EEFSEC: variants seen among roughly 807,000 people sequenced by gnomAD.
EEFSEC encodes the protein eukaryotic elongation factor, selenocysteine-tRNA specific, also known as selenocysteine-specific elongation factor.
In EEFSEC, 43 loss-of-function variants were observed where a neutral mutation model predicts 42.1. The ratio of observed to expected loss-of-function variants is 1.02; its 90% CI spans 0.80 to 1.32. The LOEUF is 1.32. EEFSEC is among the 40% of genes most tolerant of loss of function. The probability of loss-of-function intolerance (pLI) is 0.00; values close to 1 mark genes in which losing one functional copy is unlikely to be tolerated. For synonymous variants in EEFSEC, 354 were observed against 339.1 expected (o/e 1.04, Z -0.48); for missense variants, 745 against 803.6 (o/e 0.93, Z 0.88).
chr3:128,255,126 G>A (rs1256390151), intron 2 of EEFSEC, among the ~76,000 whole-genome samples: 1 of 152,166 alleles, frequency 6.6e-6, no homozygotes, highest in Admixed American at 6.5e-5. Context: ...ATGGGGCTTG[G>A]CTGGGGATGC....
At chr3:128,271,673 G>A (rs149800636) in intron 4 of EEFSEC, among the ~76,000 whole-genome samples, 1 of 152,248 alleles carries the variant, frequency 6.6e-6, no homozygotes, top group African/African-American at 2.4e-5. Context: ...GAGGGACCTC[G>A]CAGATCAGGC....
At chr3:128,227,558 A>G in intron 1 of EEFSEC, among the ~76,000 whole-genome samples, 1 of 152,122 alleles carries the variant, frequency 6.6e-6, no homozygotes. Context: ...TTGGGGACCC[A>G]TTTCTACAAG....
intron 4 of EEFSEC, among the ~76,000 whole-genome samples, chr3:128,334,326 G>A (rs553529858): frequency 3.9e-4 from 60 of 152,290 alleles, no homozygotes; most frequent in African/African-American, 1.2e-3. Flanking sequence ...ATCTTTTTGG[G>A]CTCAGGCTGT....
rs1028766416 is a variant in EEFSEC at position 128,159,809 on chromosome 3, A to G, written c.316+5986A>G. On this transcript the variant is annotated intron_variant, in intron 1 of 6. Coordinates refer to ENST00000254730, the MANE Select transcript of EEFSEC (RefSeq NM_021937.5). ...CTCAGCAGCCTCTCCTGCCCCACCTATCTAAAGTTGTCTCTTCAACCCTCA... is the reference window on the plus strand; with the variant it reads ...CTCAGCAGCCTCTCCTGCCCCACCTGTCTAAAGTTGTCTCTTCAACCCTCA... 2.0e-5 allele frequency among the ~76,000 whole-genome samples: 3 copies of G among 152,166 alleles called. No homozygotes were observed. The South Asian group carries it at 6.2e-4, about 32-fold the overall frequency.
chr3:128,417,648 A>C, the EEFSEC span, among the ~76,000 whole-genome samples: 1 of 151,998 alleles, frequency 6.6e-6, no homozygotes, highest in African/African-American at 2.4e-5. This position sits in a 1 kb window ranked among gnomAD's most constrained non-coding sequence, Gnocchi z 4.3. Flanking sequence ...CAGGCAGAGC[A>C]CCCAGCACAT....
chr3:128,359,531 C>T (rs533626164), intron 6 of EEFSEC, among the ~76,000 whole-genome samples: 2 of 152,286 alleles, frequency 1.3e-5, no homozygotes, highest in African/African-American at 4.8e-5. Context: ...AGTTGTGTGC[C>T]ACCACCCCCA....
At chr3:128,211,575 G>A (rs1164412146) in intron 1 of EEFSEC, among the ~76,000 whole-genome samples, 1 of 151,788 alleles carries the variant, frequency 6.6e-6, no homozygotes, top group African/African-American at 2.4e-5. Context: ...CAGTACAGTG[G>A]TGTGATCTCG....
downstream of EEFSEC, among the ~76,000 whole-genome samples, chr3:128,410,432 G>T (rs1258185285): frequency 6.6e-6 from 1 of 152,170 alleles, no homozygotes. Flanking sequence ...CCAAGCATGG[G>T]GTTCCATGGA....
In EEFSEC at chr3:128,290,704, T is replaced by C. The variant is rs116616729; in HGVS notation, c.786+25923T>C. 5.5e-3 allele frequency among the ~76,000 whole-genome samples: 840 copies of C among 152,250 alleles called. 8 individuals are homozygous for C. Among genetic ancestry groups the C allele is most frequent in the African/African-American group, 0.019 (798 of 41,564 alleles). On this transcript the variant is annotated intron_variant, in intron 4 of 6. Transcript: ENST00000254730. ...ATATCTTCCTATTGATATAGGTCTT[T>C]AGTTTTTCTCAGTAATGTTTTATCG...
At chr3:128,190,568 A>G (rs2065513229) in intron 1 of EEFSEC, among the ~76,000 whole-genome samples, 3 of 152,236 alleles carry the variant, frequency 2.0e-5, no homozygotes, top group African/African-American at 7.2e-5. Flanking sequence ...AAAGTAAAAA[A>G]GTTATAGTGA....
chr3:128,272,206 A>T (rs2066420925), intron 4 of EEFSEC, among the ~76,000 whole-genome samples: 1 of 152,188 alleles, frequency 6.6e-6, no homozygotes, highest in African/African-American at 2.4e-5. Context: ...TTCAAATCCA[A>T]GATGCAGTGC....
intron 5 of EEFSEC, among the ~76,000 whole-genome samples, chr3:128,346,486 C>G (rs2067313421): frequency 6.6e-6 from 1 of 152,138 alleles, no homozygotes; most frequent in Non-Finnish European, 1.5e-5. Context: ...GTCAGTGTAT[C>G]TCATATTCTG....
At chr3:128,265,437 T>C (rs1056312956) in intron 4 of EEFSEC, among the ~76,000 whole-genome samples, 3 of 152,168 alleles carry the variant, frequency 2.0e-5, no homozygotes, top group African/African-American at 7.2e-5. Context: ...ATATTCCCCT[T>C]ATTTAGAAGG....
chr3:128,247,854 G>A (rs1230081440), intron 2 of EEFSEC, among the ~76,000 whole-genome samples: 1 of 152,208 alleles, frequency 6.6e-6, no homozygotes, highest in African/African-American at 2.4e-5. Flanking sequence ...ACCAGGGAGA[G>A]AAGGTGTTGC....
At chr3:128,407,770 C>T (rs1278165265) in intron 6 of EEFSEC, among the ~76,000 whole-genome samples, 4 of 152,162 alleles carry the variant, frequency 2.6e-5, no homozygotes, top group South Asian at 2.1e-4. Context: ...AGTTTCCAGA[C>T]GTGGACTTGG....
At chr3:128,208,790 C>T (rs751537053) in intron 1 of EEFSEC, among the ~76,000 whole-genome samples, 35 of 152,270 alleles carry the variant, frequency 2.3e-4, no homozygotes, top group African/African-American at 7.5e-4. Flanking sequence ...GTGAGAACTG[C>T]GACAATTCAG....
At chr3:128,183,009 C>A (rs549489654) in intron 1 of EEFSEC, among the ~76,000 whole-genome samples, 2 of 152,200 alleles carry the variant, frequency 1.3e-5, no homozygotes, top group African/African-American at 4.8e-5. Context: ...TCTTTGGAAT[C>A]CCGCTGATCC....
chr3:128,178,309 A>G (rs1364040594), intron 1 of EEFSEC, among the ~76,000 whole-genome samples: 1 of 152,218 alleles, frequency 6.6e-6, no homozygotes, highest in Non-Finnish European at 1.5e-5. Flanking sequence ...AATTTCTAGC[A>G]TATAAAGTGA....
At chr3:128,225,197 C>G (rs1168662488) in intron 1 of EEFSEC, among the ~76,000 whole-genome samples, 1 of 151,972 alleles carries the variant, frequency 6.6e-6, no homozygotes, top group Non-Finnish European at 1.5e-5. Context: ...AGGTCAGTGT[C>G]TTTTTTTGGT....
Sources: allele counts gnomAD v4.1 joint callset (sites outside exome capture counted in the v4.1 genomes callset), GRCh38; gene constraint gnomAD v4.1.1; non-coding constraint Gnocchi (gnomAD v3.1); transcripts MANE v1.5; gene names NCBI Gene and HGNC (gene_info 2026-07-23, HGNC 2026-07-21).